DHDDS: variants seen among roughly 807,000 people sequenced by gnomAD.
DHDDS encodes dehydrodolichyl diphosphate synthase complex subunit DHDDS.
A neutral mutation model predicts 46.2 loss-of-function variants in DHDDS; 16 were observed. The observed-to-expected ratio is 0.35, with a 90% CI of 0.23 to 0.53. The LOEUF is 0.53. DHDDS is among the 20% of genes least tolerant of loss of function. DHDDS has a pLI of 0.94. For synonymous variants in DHDDS, 151 were observed against 163.1 expected (o/e 0.93, Z 0.56); for missense variants, 340 against 423.7 (o/e 0.80, Z 1.73).
rs1570343025 is a variant in DHDDS, at chr1:26,446,509, T to A, written c.440+77T>A. ...CTGGCTTTAGGGAGACGTCCTGGGCTTTCCTTGGTCTGGATTGGTGCAAGG... is the reference window on the plus strand; with the variant it reads ...CTGGCTTTAGGGAGACGTCCTGGGCATTCCTTGGTCTGGATTGGTGCAAGG... On this transcript the variant is annotated intron_variant, in intron 5 of 8. Transcript: ENST00000236342. 12 of 1,425,414 alleles carry A rather than the reference T, an allele frequency of 8.4e-6. No individual in the cohort carries two copies. In the East Asian group the frequency reaches 2.8e-4, roughly 33 times the overall value. 88.3% of individuals were successfully genotyped at this position (1,425,414 alleles called of 1,614,324 possible).
chr1:26,455,118 C>T, intron 6 of DHDDS: 2 of 789,666 alleles, frequency 2.5e-6, no homozygotes, highest in Non-Finnish European at 4.6e-6. Context: ...TTAAAGTAAA[C>T]ACGAAGATTG....
rs1491547069 is a variant in DHDDS at position 26,470,313 on chromosome 1, TTC to T, written c.*1184_*1185del. 23 of 129,620 alleles carry T rather than the reference TTC, an allele frequency of 1.8e-4. No homozygotes were observed. Among genetic ancestry groups the T allele is most frequent in the African/African-American group, 7.3e-4 (22 of 30,270 alleles). 8.0% of individuals were successfully genotyped at this position (129,620 alleles called of 1,614,324 possible). A position where few individuals can be genotyped will look rare whatever the true frequency, so the allele number is the denominator to read the frequency against. ...CTCTCTTTAAAGTCCATTTTCCTTC[TTC>T]TTTTTTTTTTTTTTTTTGGAGACAG... is the stretch of plus-strand genomic sequence containing the variant. On this transcript the variant is annotated 3_prime_UTR_variant, in exon 9 of 9. Coordinates refer to ENST00000236342, the MANE Select transcript of DHDDS (RefSeq NM_205861.3).
In DHDDS at chr1:26,447,661, G is replaced by A. The variant is rs2124433764; in HGVS notation, c.542+1G>A. The A allele has an allele frequency of 6.2e-7, 1 of 1,613,350 alleles. No homozygotes were observed. Among genetic ancestry groups the A allele is most frequent in the Middle Eastern group, 1.7e-4 (1 of 6,042 alleles). On this transcript the variant is annotated splice_donor_variant, in intron 6 of 8. Transcript: ENST00000236342. LOFTEE classifies it high-confidence loss of function. The stretch of plus-strand genomic sequence containing the variant: ...TGGAGCAAGGCCTGTTGGATCCCAG[G>A]TATCCCGAGTTGTTTTGCATGGTAA...
intron 6 of DHDDS, chr1:26,455,232 C>T: frequency 1.5e-6 from 1 of 664,594 alleles, no homozygotes; most frequent in Non-Finnish European, 2.7e-6. Context: ...GCAAATGGGC[C>T]CATTTTAAAG....
chr1:26,448,599 CTT>C (rs1300310020), intron 6 of DHDDS: 4 of 152,124 alleles, frequency 2.6e-5, no homozygotes, highest in African/African-American at 9.7e-5. Context: ...ATTTATGTAA[CTT>C]TTAATATATT....
chr1:26,447,682 G>A (rs529638382), intron 6 of DHDDS, 22 bp downstream of exon 6: 24 of 1,603,778 alleles, frequency 1.5e-5, no homozygotes, highest in African/African-American at 1.5e-4. Flanking sequence ...TGTTTTGCAT[G>A]GTAATTGTTA....
intron 6 of DHDDS, chr1:26,447,917 T>C (rs886688061): frequency 1.2e-5 from 7 of 598,444 alleles, no homozygotes; most frequent in African/African-American, 9.3e-5. Context: ...TAGGGGAGCA[T>C]GTGGAAAGAT....
intron 8 of DHDDS, 83 bp from the exon 9 acceptor site, chr1:26,468,812 C>T: frequency 5.0e-6 from 3 of 601,114 alleles, no homozygotes; most frequent in Non-Finnish European, 5.6e-6. Context: ...CCACCCTGTG[C>T]CCCACCCCCT....
At chr1:26,462,577 C>T (rs569883855) in intron 8 of DHDDS, among the ~76,000 whole-genome samples, 4 of 152,144 alleles carry the variant, frequency 2.6e-5, no homozygotes, top group Non-Finnish European at 5.9e-5. Flanking sequence ...ACCAGATAGT[C>T]AAGCTTGTTG....
chr1:26,447,663 A>G lies in DHDDS; in HGVS notation c.542+3A>G. The G allele has an allele frequency of 1.9e-6, 3 of 1,613,268 alleles. No homozygotes were observed. On this transcript the variant is annotated splice_donor_region_variant and intron_variant, in intron 6 of 8. Coordinates refer to ENST00000236342, the MANE Select transcript of DHDDS (RefSeq NM_205861.3). The stretch of plus-strand genomic sequence containing the variant: ...GAGCAAGGCCTGTTGGATCCCAGGT[A>G]TCCCGAGTTGTTTTGCATGGTAATT...
At chr1:26,435,728 C>A (rs981885051) in intron 2 of DHDDS, among the ~76,000 whole-genome samples, 1 of 152,088 alleles carries the variant, frequency 6.6e-6, no homozygotes, top group African/African-American at 2.4e-5. Context: ...AGTTCTCCTG[C>A]CTCAGCCTCC....
intron 6 of DHDDS, among the ~76,000 whole-genome samples, chr1:26,454,482 T>G (rs1307288283): frequency 6.6e-6 from 1 of 152,106 alleles, no homozygotes; most frequent in Non-Finnish European, 1.5e-5. Flanking sequence ...TTTTTTATTA[T>G]TATTCTTTAT....
chr1:26,459,998 CAT>C, intron 7 of DHDDS, 37 bp from the exon 8 acceptor site: 1 of 1,541,666 alleles, frequency 6.5e-7, no homozygotes, highest in South Asian at 1.1e-5. Flanking sequence ...GGCCCAGCAA[CAT>C]GTTACTAAAT....
chr1:26,465,085 G>T (rs1247655363), intron 8 of DHDDS, among the ~76,000 whole-genome samples: 2 of 152,192 alleles, frequency 1.3e-5, no homozygotes, highest in Non-Finnish European at 2.9e-5. Flanking sequence ...ATCAGGCCAG[G>T]GAGGGGGTGT....
At chr1:26,447,529 T>C in intron 5 of DHDDS, 30 bp from the exon 6 acceptor site, 1 of 1,571,302 alleles carries the variant, frequency 6.4e-7, no homozygotes, top group Non-Finnish European at 8.8e-7. Flanking sequence ...TGTCCCCCTT[T>C]GGTAAATTAT....
At chr1:26,437,510 A>G (rs60130797) in intron 2 of DHDDS, among the ~76,000 whole-genome samples, 118,702 of 150,482 alleles carry the variant, frequency 0.79, 47,063 homozygotes, top group Admixed American at 0.86. Flanking sequence ...TCGCTGTGTC[A>G]CCCAGGCTGG....
chr1:26,446,277 A>AG, intron 4 of DHDDS, 39 bp from the exon 5 acceptor site: 1 of 1,598,138 alleles, frequency 6.3e-7, no homozygotes, highest in African/African-American at 1.3e-5. Context: ...CCAGCTCAGC[A>AG]GGGGCCCTAT....
At chr1:26,435,304 C>T (rs1442624234) in intron 2 of DHDDS, among the ~76,000 whole-genome samples, 2 of 152,074 alleles carry the variant, frequency 1.3e-5, no homozygotes, top group Non-Finnish European at 2.9e-5. Context: ...GCCACTGCGC[C>T]CGGCTGAAAA....
intron 1 of DHDDS, chr1:26,432,579 G>T: frequency 3.2e-6 from 1 of 312,590 alleles, no homozygotes; most frequent in Non-Finnish European, 6.2e-6. Flanking sequence ...AGGAAGAAAC[G>T]GGGAATGATC....
Sources: gnomAD v4.1 joint callset for allele counts (sites outside exome capture counted in the v4.1 genomes callset) on GRCh38, gnomAD v4.1.1 for gene constraint, MANE v1.5 for transcripts, NCBI Gene and HGNC (gene_info 2026-07-23, HGNC 2026-07-21) for gene names.